Variants in ABCC9 observed in about 807,000 individuals in gnomAD.
The protein encoded by ABCC9 is ATP binding cassette subfamily C member 9, also known as ATP-binding cassette sub-family C member 9.
A neutral mutation model predicts 188.3 loss-of-function variants in ABCC9; 95 were observed. That is an observed-to-expected ratio of 0.50 (90% confidence interval 0.43 to 0.60). ABCC9 has a LOEUF of 0.60. Among genes scored for constraint, ABCC9 ranks in the 20% least tolerant of loss-of-function variants. The pLI is 0.00. For synonymous variants in ABCC9, 659 were observed against 652.7 expected (o/e 1.01, Z -0.15); for missense variants, 1,102 against 1,876.3 (o/e 0.59, Z 7.62).
intron 12 of ABCC9, among the ~76,000 whole-genome samples, chr12:21,896,729 A>C (rs937084084): frequency 2.0e-4 from 30 of 152,154 alleles, no homozygotes; most frequent in African/African-American, 7.2e-4. Context: ...AGCTCCATCC[A>C]TGTCCCTGAA....
At chr12:21,834,639 G>GTATATT (rs1169803819) in intron 30 of ABCC9, among the ~76,000 whole-genome samples, 1 of 151,908 alleles carries the variant, frequency 6.6e-6, no homozygotes, top group Non-Finnish European at 1.5e-5. Context: ...ATATGTATAT[G>GTATATT]TATATCCATT....
Position 21,846,174 on chromosome 12 carries a change from T to G in ABCC9, c.2867-342A>C, listed in dbSNP as rs829079. Among the ~76,000 whole-genome samples the G allele has an allele frequency of 0.55, 83,967 of 151,976 alleles. 23,969 individuals are homozygous for G. The highest frequency in any genetic ancestry group is 0.66 in the African/African-American group (27,543 of 41,442). On this transcript the variant is annotated intron_variant, in intron 25 of 39. Coordinates refer to ENST00000261200, the MANE Select transcript of ABCC9 (RefSeq NM_020297.4). ...CCTGGCTTACAAACATCTACAATAT[T>G]GTGACCTGCAAATTTCTGAATTTAT...
At chr12:21,894,670 C>T (rs1189042191) in intron 13 of ABCC9, among the ~76,000 whole-genome samples, 2 of 151,844 alleles carry the variant, frequency 1.3e-5, no homozygotes, top group African/African-American at 2.4e-5. Flanking sequence ...AGTGTAGTAG[C>T]GTGATCATGG....
At chr12:21,890,996 C>A (rs1947135606) in intron 14 of ABCC9, among the ~76,000 whole-genome samples, 1 of 151,814 alleles carries the variant, frequency 6.6e-6, no homozygotes, top group East Asian at 1.9e-4. Context: ...AAAAAAAAAT[C>A]TTTACTGACC....
At chr12:21,844,396 T>A in intron 28 of ABCC9, 87 bp downstream of exon 28, 1 of 1,117,712 alleles carries the variant, frequency 8.9e-7, no homozygotes, top group Non-Finnish European at 1.4e-6. Flanking sequence ...CCTCTATTGT[T>A]AATAGGAATT....
chr12:21,908,943 A>G (rs1164363797), intron 10 of ABCC9, among the ~76,000 whole-genome samples: 1 of 151,872 alleles, frequency 6.6e-6, no homozygotes, highest in Non-Finnish European at 1.5e-5. Flanking sequence ...CTGATTTATC[A>G]TGGCTCAAAA....
Position 21,931,331 on chromosome 12 carries a change from T to C in ABCC9, c.284+2451A>G, listed in dbSNP as rs550167383. Among the ~76,000 whole-genome samples, 8 of 152,178 alleles carry C rather than the reference T, an allele frequency of 5.3e-5. No homozygotes were observed. The South Asian group carries it at 1.5e-3, about 28-fold the overall frequency. On this transcript the variant is annotated intron_variant, in intron 4 of 39. Transcript: ENST00000261200. ...TTGTTTGCTTCCCTTTCTGCCATGA[T>C]TGTAAGTTTCCTAAGGTCTCCCCAG...
chr12:21,933,413 A>G (rs1949363625), intron 4 of ABCC9, among the ~76,000 whole-genome samples: 1 of 152,034 alleles, frequency 6.6e-6, no homozygotes, highest in African/African-American at 2.4e-5. Context: ...ACAAATCTTG[A>G]TTTTAAAAGT....
intron 4 of ABCC9, among the ~76,000 whole-genome samples, chr12:21,933,214 T>A (rs1055030361): frequency 1.3e-5 from 2 of 151,566 alleles, no homozygotes; most frequent in Non-Finnish European, 2.9e-5. Flanking sequence ...ACTGGGGCTT[T>A]TGCTTTTCAG....
In ABCC9 at chr12:21,916,979, A is replaced by T. The variant is rs1360212861; in HGVS notation, c.531T>A (p.Asn177Lys). The change falls in exon 6 of 40, where the codon AAT becomes AAA. Residue 177 changes from asparagine to lysine, a missense_variant. Transcript: ENST00000261200. ...FCITGMMVIL[N>K]GLLMAVEINV... ...TGATCTCCACAGCCATCAAGAGCCC[A>T]TTCAAGATGACCATCATGCCTGTGA... The T allele has an allele frequency of 1.9e-6, 3 of 1,613,776 alleles. No homozygotes were observed. Among genetic ancestry groups the T allele is most frequent in the Non-Finnish European group, 2.5e-6 (3 of 1,179,850 alleles).
chr12:21,852,014 T>C, intron 24 of ABCC9, 83 bp downstream of exon 24: 7 of 1,526,688 alleles, frequency 4.6e-6, no homozygotes, highest in Non-Finnish European at 6.3e-6. Context: ...AATGGTAATT[T>C]TTTAAAAAGC....
At chr12:21,820,825 T>C (rs1382840342) in intron 31 of ABCC9, among the ~76,000 whole-genome samples, 1 of 152,176 alleles carries the variant, frequency 6.6e-6, no homozygotes, top group Non-Finnish European at 1.5e-5. Flanking sequence ...CTGTGGCTCT[T>C]CTCTTTCCCA....
At chr12:21,874,195 C>G (rs1223313345) in intron 17 of ABCC9, among the ~76,000 whole-genome samples, 1 of 151,484 alleles carries the variant, frequency 6.6e-6, no homozygotes, top group African/African-American at 2.4e-5. Context: ...GGCAAAGAAC[C>G]CGAATAGAGA....
Position 21,799,102 on chromosome 12 carries a change from TG to T in ABCC9, c.*1941del, listed in dbSNP as rs1403072390. The T allele has an allele frequency of 1.3e-5, 1 of 74,638 alleles. No homozygotes were observed. The highest frequency in any genetic ancestry group is 2.7e-5 in the Non-Finnish European group (1 of 37,616). The allele number at this position is 74,638 out of a possible 1,614,324, so 4.6% of individuals were successfully genotyped here. A position where few individuals can be genotyped will look rare whatever the true frequency, so the allele number is the denominator to read the frequency against. ...TCACACTCTGGGGACTGTGGTGGGG[TG>T]GGGGGAGTGGGGAGGGATAGCATTG... On this transcript the variant is annotated 3_prime_UTR_variant, in exon 40 of 40. Transcript: ENST00000261200.
At position 21,852,017 on chromosome 12, in the gene ABCC9, T is replaced by A. The variant is rs1045464419; in HGVS notation, c.2769+80A>T. The A allele has an allele frequency of 2.5e-5, 39 of 1,539,908 alleles. No homozygotes were observed. The African/African-American group carries it at 2.6e-4, about 10-fold the overall frequency. ...TACAAAGTATTAAATGGTAATTTTT[T>A]AAAAAGCATTCTTAGTAATTAGTAA... On this transcript the variant is annotated intron_variant, in intron 24 of 39. Coordinates refer to ENST00000261200, the MANE Select transcript of ABCC9 (RefSeq NM_020297.4).
At chr12:21,908,352 T>G in intron 10 of ABCC9, 141 bp from the exon 11 acceptor site, 159 of 1,068,778 alleles carry the variant, frequency 1.5e-4, no homozygotes, top group Non-Finnish European at 1.9e-4. Context: ...TAGGGTTCTC[T>G]AGAGGGACAG....
rs1308868546 is a variant in ABCC9 at position 21,915,496 on chromosome 12, G to GTATATA, written c.816+171_816+172insTATATA. Among the ~76,000 whole-genome samples the GTATATA allele has an allele frequency of 1.1e-3, 6 of 5,438 alleles. 1 individual carries two copies. Among genetic ancestry groups the GTATATA allele is most frequent in the Non-Finnish European group, 1.9e-3 (5 of 2,588 alleles). 3.6% of individuals were successfully genotyped at this position (5,438 alleles called of 152,430 possible). On this transcript the variant is annotated intron_variant, in intron 7 of 39. Transcript: ENST00000261200. ...TGTATATATGTGTGTGTGTGTGTGT[G>GTATATA]TGTGTATATATATATATATTTTTTT...
At chr12:21,857,207 G>GC in intron 22 of ABCC9, among the ~76,000 whole-genome samples, 1 of 152,228 alleles carries the variant, frequency 6.6e-6, no homozygotes, top group East Asian at 1.9e-4. Context: ...CTAGCACAGA[G>GC]TTTTTCAAAG....
chr12:21,819,945 A>G (rs1942935067), intron 31 of ABCC9, among the ~76,000 whole-genome samples: 1 of 152,122 alleles, frequency 6.6e-6, no homozygotes. Flanking sequence ...CACCCCTACT[A>G]GACTGTTCTT....
Sources: gnomAD v4.1 joint callset for allele counts (sites outside exome capture counted in the v4.1 genomes callset) on GRCh38, gnomAD v4.1.1 for gene constraint, MANE v1.5 for transcripts, NCBI Gene and HGNC (gene_info 2026-07-23, HGNC 2026-07-21) for gene names.